The following UGT1A6 variants were observed in gnomAD, a reference collection of about 807,000 sequenced individuals.
The protein encoded by UGT1A6 is UDP-glucuronosyltransferase 1A6.
A neutral mutation model predicts 44.4 loss-of-function variants in UGT1A6; 32 were observed. The observed-to-expected ratio is 0.72, with a 90% CI of 0.54 to 0.97. The LOEUF (loss-of-function observed/expected upper bound fraction) is 0.97, where lower values mean the gene tolerates loss of function less well. Among genes scored for constraint, UGT1A6 ranks in the 50% least tolerant of loss-of-function variants. UGT1A6 has a pLI of 0.00. For missense variants in UGT1A6, 685 were observed against 661.9 expected, an observed-to-expected ratio of 1.03 and a Z score of -0.38; for synonymous variants, 238 against 248.5, an observed-to-expected ratio of 0.96 and a Z score of 0.40.
At chr2:233,724,293 C>G (rs1226718888) in intron 1 of UGT1A6, among the ~76,000 whole-genome samples, 3 of 135,034 alleles carry the variant, frequency 2.2e-5, no homozygotes, top group South Asian at 2.6e-4. Flanking sequence ...GGGGGCTGAC[C>G]CCCCCACCTC....
intron 1 of UGT1A6, among the ~76,000 whole-genome samples, chr2:233,705,460 C>A (rs1045270048): frequency 6.6e-6 from 1 of 152,132 alleles, no homozygotes; most frequent in African/African-American, 2.4e-5. Flanking sequence ...TATTTTTTAG[C>A]AGACACACAT....
intron 1 of UGT1A6, chr2:233,739,055 G>T (rs995568574): frequency 1.3e-5 from 2 of 152,274 alleles, no homozygotes; most frequent in Admixed American, 6.5e-5. Context: ...TCAGGCCATT[G>T]CTTCAGAGGG....
At chr2:233,729,564 T>A in intron 1 of UGT1A6, 2 of 1,614,164 alleles carry the variant, frequency 1.2e-6, no homozygotes. Flanking sequence ...CTACTTCCTT[T>A]GATGTGGTTT....
intron 1 of UGT1A6, among the ~76,000 whole-genome samples, chr2:233,751,879 G>A (rs1331680632): frequency 6.6e-6 from 1 of 152,148 alleles, no homozygotes; most frequent in Non-Finnish European, 1.5e-5. Context: ...CCCGTCTTGG[G>A]TATGTCTTTA....
intron 1 of UGT1A6, among the ~76,000 whole-genome samples, chr2:233,707,202 C>G (rs2075948467): frequency 6.6e-6 from 1 of 152,136 alleles, no homozygotes; most frequent in African/African-American, 2.4e-5. Flanking sequence ...GTTCTATTCC[C>G]TTTCCATCTT....
intron 1 of UGT1A6, among the ~76,000 whole-genome samples, chr2:233,752,978 A>C (rs961719654): frequency 2.0e-5 from 3 of 152,180 alleles, no homozygotes; most frequent in Admixed American, 6.5e-5. Context: ...AATTGTGTAG[A>C]TACAAACCCA....
chr2:233,748,523 T>TA (rs988670455), intron 1 of UGT1A6, among the ~76,000 whole-genome samples: 2 of 151,784 alleles, frequency 1.3e-5, no homozygotes, highest in Admixed American at 6.5e-5. Flanking sequence ...TTGCGAATGA[T>TA]AGAGAGGTGA....
intron 1 of UGT1A6, among the ~76,000 whole-genome samples, chr2:233,736,548 C>T (rs547329540): frequency 1.4e-4 from 21 of 152,318 alleles, no homozygotes; most frequent in Admixed American, 5.9e-4. Flanking sequence ...CAGCTTTGCT[C>T]CATTGCTAGC....
At chr2:233,767,332 A>C (rs34743975) in intron 2 of UGT1A6, among the ~76,000 whole-genome samples, 167 bp downstream of exon 2, 47 of 152,148 alleles carry the variant, frequency 3.1e-4, no homozygotes, top group Admixed American at 1.7e-3. Flanking sequence ...GGTTGTTGTC[A>C]TTGTTTTCAA....
Position 233,713,004 on chromosome 2 carries a change from C to A in UGT1A6, c.861+19139C>A, listed in dbSNP as rs942673517. ...GGCTTCTGCTGAGATGGCCACAGGA[C>A]TCCAGGTTCCCCTGCCGCAGCTGGC... On this transcript the variant is annotated intron_variant, in intron 1 of 4. Coordinates refer to ENST00000305139, the MANE Select transcript of UGT1A6 (RefSeq NM_001072.4). 1.5e-5 allele frequency: 25 copies of A among 1,613,434 alleles called. No individual in the cohort carries two copies. The highest frequency in any genetic ancestry group is 2.0e-5 in the Non-Finnish European group (24 of 1,180,048).
At chr2:233,695,670 G>C (rs962399799) in intron 1 of UGT1A6, among the ~76,000 whole-genome samples, 6 of 151,946 alleles carry the variant, frequency 3.9e-5, no homozygotes, top group Non-Finnish European at 8.8e-5. Flanking sequence ...AGAACATGTG[G>C]TATTTGTCTT....
chr2:233,772,626 A>T lies in UGT1A6; in HGVS notation c.*67A>T. On this transcript the variant is annotated 3_prime_UTR_variant, in exon 5 of 5. Coordinates refer to ENST00000305139, the MANE Select transcript of UGT1A6 (RefSeq NM_001072.4). ...AGTCATTTCCAAACTTGAAAACAGA[A>T]TCAGTGTTAAATTCATTTTATTCTT... The T allele has an allele frequency of 3.8e-6, 6 of 1,561,972 alleles. No homozygotes were observed. Among genetic ancestry groups the T allele is most frequent in the Non-Finnish European group, 5.2e-6 (6 of 1,152,668 alleles).
chr2:233,718,121 TG>T, intron 1 of UGT1A6: 1 of 289,636 alleles, frequency 3.5e-6, no homozygotes. Context: ...TCTTATTCCA[TG>T]GTGTAGATGG....
At chr2:233,710,438 C>T (rs1483320270) in intron 1 of UGT1A6, among the ~76,000 whole-genome samples, 4 of 152,172 alleles carry the variant, frequency 2.6e-5, no homozygotes, top group African/African-American at 9.7e-5. Flanking sequence ...TATTTTTAGT[C>T]TTTTACATTT....
rs1033838664 is a variant in UGT1A6 at position 233,759,586 on chromosome 2, C to T, written c.862-7448C>T. On this transcript the variant is annotated intron_variant, in intron 1 of 4. Transcript: ENST00000305139. ...TCTGGTCATTCTCTACCCCAGCACG[C>T]CCCCCACCCCCGACCCGCCCCACCC... is the stretch of plus-strand genomic sequence containing the variant. 1.1e-4 allele frequency among the ~76,000 whole-genome samples: 16 copies of T among 147,554 alleles called. No homozygotes were observed. In the South Asian group the frequency reaches 2.0e-3, roughly 18 times the overall value.
chr2:233,757,537 T>TAA (rs1696591664), intron 1 of UGT1A6, among the ~76,000 whole-genome samples: 3 of 107,778 alleles, frequency 2.8e-5, no homozygotes, highest in African/African-American at 1.4e-4. Context: ...CTGTAAGGAA[T>TAA]ATATATATAT....
chr2:233,760,293 T>A (rs1359528738), intron 1 of UGT1A6: 1 of 1,613,450 alleles, frequency 6.2e-7, no homozygotes, highest in South Asian at 1.1e-5. Flanking sequence ...GCGCCATGGC[T>A]GTGGAGTCCC....
chr2:233,747,595 G>A lies in UGT1A6; in HGVS notation c.862-19439G>A, dbSNP rs188498977. 1.9e-6 allele frequency: 3 copies of A among 1,576,476 alleles called. 1 individual carries two copies. In the African/African-American group the frequency reaches 4.1e-5, roughly 21 times the overall value. ...TCATCTTTGGTCTTTCATAGGTCTT[G>A]TGTGGAGCTACTGCATAATGAGGCC... On this transcript the variant is annotated intron_variant, in intron 1 of 4. Coordinates refer to ENST00000305139, the MANE Select transcript of UGT1A6 (RefSeq NM_001072.4).
At chr2:233,714,585 C>T (rs1055592636) in intron 1 of UGT1A6, among the ~76,000 whole-genome samples, 2 of 152,172 alleles carry the variant, frequency 1.3e-5, no homozygotes, top group East Asian at 3.8e-4. Context: ...ATAATTTAAA[C>T]TTTTCTAGTG....
Sources: gnomAD v4.1 joint callset for allele counts (sites outside exome capture counted in the v4.1 genomes callset) on GRCh38, gnomAD v4.1.1 for gene constraint, MANE v1.5 for transcripts, NCBI Gene and HGNC (gene_info 2026-07-23, HGNC 2026-07-21) for gene names.